Variants in ZNF521 observed in about 807,000 individuals in gnomAD.
The protein encoded by ZNF521 is zinc finger protein 521, also known as LYST-interacting protein 3.
Under a neutral mutation model 105.5 loss-of-function variants are expected in ZNF521, and 14 were observed. The ratio of observed to expected loss-of-function variants is 0.13; its 90% CI spans 0.09 to 0.21. ZNF521 has a LOEUF of 0.21. Ranked by LOEUF, ZNF521 falls within the 10% of genes least tolerant of loss-of-function variation. The pLI, the probability that ZNF521 is intolerant of heterozygous loss-of-function variation, is 1.00. For synonymous variants in ZNF521, 635 were observed against 606.0 expected, an observed-to-expected ratio of 1.05 and a Z score of -0.70; for missense variants, 1,233 against 1,629.7, an observed-to-expected ratio of 0.76 and a Z score of 4.19.
intron 3 of ZNF521, among the ~76,000 whole-genome samples, chr18:25,281,069 T>G (rs1367130627): frequency 1.3e-5 from 2 of 152,152 alleles, no homozygotes; most frequent in Non-Finnish European, 2.9e-5. Context: ...TTACATCCTA[T>G]CAACAAATAA....
intron 4 of ZNF521, among the ~76,000 whole-genome samples, chr18:25,197,054 C>T (rs1238483931): frequency 1.3e-5 from 2 of 151,686 alleles, no homozygotes; most frequent in Non-Finnish European, 3.0e-5. Flanking sequence ...AATAAAATCA[C>T]TTGAAAAGCC....
chr18:25,120,706 A>T (rs1007970369), intron 5 of ZNF521, among the ~76,000 whole-genome samples: 3 of 151,884 alleles, frequency 2.0e-5, no homozygotes, highest in Non-Finnish European at 2.9e-5. Flanking sequence ...TGATAGATAT[A>T]AAAAAAAGGA....
chr18:25,301,698 G>A (rs986420085), intron 3 of ZNF521, among the ~76,000 whole-genome samples: 1 of 152,146 alleles, frequency 6.6e-6, no homozygotes, highest in Non-Finnish European at 1.5e-5. Flanking sequence ...TTTTCTCTTA[G>A]CTTGTTCCCA....
intron 5 of ZNF521, among the ~76,000 whole-genome samples, chr18:25,106,494 AT>A (rs1456817827): frequency 9.2e-5 from 14 of 152,214 alleles, no homozygotes; most frequent in African/African-American, 3.4e-4. Context: ...CAGCAGTAGC[AT>A]TTTTCTTTCC....
intron 4 of ZNF521, among the ~76,000 whole-genome samples, chr18:25,200,092 C>A (rs112723698): frequency 2.4e-4 from 37 of 152,224 alleles, no homozygotes; most frequent in African/African-American, 8.4e-4. Context: ...AGCCAGGATT[C>A]TACTGTCTTT....
chr18:25,091,839 A>T, intron 6 of ZNF521, 111 bp downstream of exon 6: 1 of 1,335,328 alleles, frequency 7.5e-7, no homozygotes, highest in Non-Finnish European at 1.0e-6. Context: ...CCCCAAATTG[A>T]ACTGAAGTCA....
At chr18:25,153,614 T>C (rs1221929514) in intron 5 of ZNF521, among the ~76,000 whole-genome samples, 1 of 152,224 alleles carries the variant, frequency 6.6e-6, no homozygotes, top group Non-Finnish European at 1.5e-5. Flanking sequence ...TCTGGGAAAC[T>C]GCACTGCGGA....
intron 5 of ZNF521, among the ~76,000 whole-genome samples, chr18:25,094,336 A>G (rs551382810): frequency 6.6e-6 from 1 of 152,292 alleles, no homozygotes; most frequent in East Asian, 1.9e-4. Flanking sequence ...GTACTCATTC[A>G]TTTTTATGTA....
chr18:25,259,439 CTG>C (rs1253364742), intron 3 of ZNF521, among the ~76,000 whole-genome samples: 1 of 152,148 alleles, frequency 6.6e-6, no homozygotes, highest in Non-Finnish European at 1.5e-5. Context: ...AATATGTACA[CTG>C]TGATGCACTC....
chr18:25,267,196 C>T (rs1909327956), intron 3 of ZNF521, among the ~76,000 whole-genome samples: 1 of 152,216 alleles, frequency 6.6e-6, no homozygotes, highest in Non-Finnish European at 1.5e-5. Flanking sequence ...CGCAGCTCAG[C>T]AAGGCCTCTG....
intron 3 of ZNF521, among the ~76,000 whole-genome samples, chr18:25,310,108 C>T (rs540268557): frequency 6.6e-6 from 1 of 152,144 alleles, no homozygotes; most frequent in East Asian, 1.9e-4. Context: ...TCTCCCACAG[C>T]AGAAAACCAA....
chr18:25,157,915 C>A (rs567386053), intron 5 of ZNF521, among the ~76,000 whole-genome samples: 2 of 152,064 alleles, frequency 1.3e-5, no homozygotes, highest in African/African-American at 2.4e-5. Context: ...CCATGCCCAG[C>A]TAATTTTTTT....
At chr18:25,304,638 G>A (rs1190917324) in intron 3 of ZNF521, among the ~76,000 whole-genome samples, 2 of 152,016 alleles carry the variant, frequency 1.3e-5, no homozygotes, top group Admixed American at 6.6e-5. Flanking sequence ...TACCCTGAAC[G>A]CCTGCCTATC....
chr18:25,256,633 C>T (rs1391850852), intron 3 of ZNF521, among the ~76,000 whole-genome samples: 1 of 151,954 alleles, frequency 6.6e-6, no homozygotes, highest in East Asian at 1.9e-4. Flanking sequence ...AAGAGGCCCC[C>T]TACAGGAGCG....
At chr18:25,347,287 T>C (rs368260729) in intron 2 of ZNF521, among the ~76,000 whole-genome samples, 93 of 152,310 alleles carry the variant, frequency 6.1e-4, no homozygotes, top group South Asian at 1.9e-3. Context: ...TCCATGCCTC[T>C]AATAACTGGC....
At chr18:25,188,632 A>G (rs2035767276) in intron 5 of ZNF521, among the ~76,000 whole-genome samples, 1 of 152,226 alleles carries the variant, frequency 6.6e-6, no homozygotes, top group Non-Finnish European at 1.5e-5. Context: ...TGAAAAACCG[A>G]TACATTAGTG....
chr18:25,203,811 T>G (rs2036033152), intron 4 of ZNF521, among the ~76,000 whole-genome samples: 2 of 152,170 alleles, frequency 1.3e-5, no homozygotes, highest in Admixed American at 1.3e-4. Flanking sequence ...AGAAAAAATA[T>G]TTATTTAAGT....
intron 3 of ZNF521, among the ~76,000 whole-genome samples, chr18:25,261,850 C>A (rs530022571): frequency 6.6e-6 from 1 of 152,084 alleles, no homozygotes; most frequent in Admixed American, 6.6e-5. Context: ...TGAGTCTAAC[C>A]GTAACTTATT....
At position 25,305,253 on chromosome 18, in the gene ZNF521, T is replaced by C. The variant is rs1911910501; in HGVS notation, c.220+16755A>G. Among the ~76,000 whole-genome samples the C allele has an allele frequency of 2.0e-5, 3 of 152,334 alleles. No individual in the cohort carries two copies. In the Middle Eastern group the frequency reaches 0.01, roughly 518 times the overall value. On this transcript the variant is annotated intron_variant, in intron 3 of 7. Coordinates refer to ENST00000361524, the MANE Select transcript of ZNF521 (RefSeq NM_015461.3). The stretch of plus-strand genomic sequence containing the variant: ...CTACTAAAAATGAGGTATCAATATT[T>C]TTCATTGTACTAAACTCAGATTAAT...
Sources: allele counts gnomAD v4.1 joint callset (sites outside exome capture counted in the v4.1 genomes callset), GRCh38; gene constraint gnomAD v4.1.1; transcripts MANE v1.5; gene names NCBI Gene and HGNC (gene_info 2026-07-23, HGNC 2026-07-21).